The following VEGFC variants were observed in gnomAD, a reference collection of about 807,000 sequenced individuals.
The protein encoded by VEGFC is vascular endothelial growth factor C.
VEGFC carries 12 observed loss-of-function variants against 46.1 expected under a neutral mutation model. The ratio of observed to expected loss-of-function variants is 0.26; its 90% CI spans 0.17 to 0.42. The LOEUF is 0.42. VEGFC is among the 10% of genes least tolerant of loss of function. The pLI, the probability that VEGFC is intolerant of heterozygous loss-of-function variation, is 1.00. For synonymous variants in VEGFC, 232 were observed against 195.5 expected, an observed-to-expected ratio of 1.19 and a Z score of -1.56; for missense variants, 488 against 529.4, an observed-to-expected ratio of 0.92 and a Z score of 0.77.
At chr4:176,779,202 A>G (rs1735866450) in intron 1 of VEGFC, among the ~76,000 whole-genome samples, 1 of 152,198 alleles carries the variant, frequency 6.6e-6, no homozygotes, top group African/African-American at 2.4e-5. Context: ...AAGACAACAG[A>G]GCTGATAGAA....
intron 1 of VEGFC, among the ~76,000 whole-genome samples, chr4:176,734,226 C>T (rs770171471): frequency 6.6e-6 from 1 of 151,632 alleles, no homozygotes; most frequent in Non-Finnish European, 1.5e-5. Flanking sequence ...TGTTTTTATA[C>T]ATAAACATAC....
At chr4:176,708,572 G>A (rs560146406) in intron 4 of VEGFC, among the ~76,000 whole-genome samples, 1 of 152,080 alleles carries the variant, frequency 6.6e-6, no homozygotes, top group Non-Finnish European at 1.5e-5. Flanking sequence ...CATAATTAAG[G>A]ACAATATTTT....
intron 3 of VEGFC, among the ~76,000 whole-genome samples, chr4:176,720,898 C>A (rs1734775518): frequency 1.4e-5 from 2 of 141,232 alleles, no homozygotes; most frequent in South Asian, 2.3e-4. Context: ...AACAATCTGA[C>A]AGATAAGGTA....
chr4:176,722,574 C>T (rs1734807455), intron 3 of VEGFC, among the ~76,000 whole-genome samples: 2 of 150,352 alleles, frequency 1.3e-5, no homozygotes, highest in African/African-American at 4.9e-5. Context: ...TTACTCACTG[C>T]AGCCTCTGCC....
At chr4:176,690,986 T>G (rs951661275) in intron 4 of VEGFC, among the ~76,000 whole-genome samples, 18 of 152,156 alleles carry the variant, frequency 1.2e-4, no homozygotes, top group African/African-American at 4.3e-4. Context: ...GAAATGCATT[T>G]TAAAATGTAA....
chr4:176,757,243 C>T (rs188847662), intron 1 of VEGFC, among the ~76,000 whole-genome samples: 8 of 151,894 alleles, frequency 5.3e-5, no homozygotes, highest in African/African-American at 1.9e-4. Flanking sequence ...ATGTTAGGGG[C>T]CATAAAGGAA....
chr4:176,748,076 T>C (rs1442683515), intron 1 of VEGFC, among the ~76,000 whole-genome samples: 2 of 152,008 alleles, frequency 1.3e-5, no homozygotes, highest in Admixed American at 6.6e-5. Context: ...TATAAAAACT[T>C]TGGGAATTTT....
chr4:176,769,372 T>A (rs1735685874), intron 1 of VEGFC, among the ~76,000 whole-genome samples: 2 of 152,174 alleles, frequency 1.3e-5, no homozygotes, highest in Non-Finnish European at 1.5e-5. Flanking sequence ...ATTGTGCCTC[T>A]CCTGTGTGTC....
rs555753093 is a variant in VEGFC at position 176,769,935 on chromosome 4, G to T, written c.147+22230C>A. ...AAGAAGGTTAATCTGAATTATCTGG[G>T]AATCAAATCTGGGTCCCTGAACTCC... On this transcript the variant is annotated intron_variant, in intron 1 of 6. Transcript: ENST00000618562. Among the ~76,000 whole-genome samples, 84 of 152,158 alleles carry T rather than the reference G, an allele frequency of 5.5e-4. 1 individual carries two copies. The highest frequency in any genetic ancestry group is 3.4e-3 in the Middle Eastern group (1 of 294).
chr4:176,735,823 T>G (rs1446339426), intron 1 of VEGFC, among the ~76,000 whole-genome samples: 1 of 151,908 alleles, frequency 6.6e-6, no homozygotes, highest in Non-Finnish European at 1.5e-5. Flanking sequence ...ATTTTCAAAA[T>G]CATCATTTGA....
At chr4:176,763,618 C>G in intron 1 of VEGFC, among the ~76,000 whole-genome samples, 1 of 152,130 alleles carries the variant, frequency 6.6e-6, no homozygotes, top group South Asian at 2.1e-4. Context: ...TATTCTTTCA[C>G]GTAATCAATA....
At chr4:176,718,059 G>C (rs1560944274) in intron 3 of VEGFC, among the ~76,000 whole-genome samples, 1 of 152,126 alleles carries the variant, frequency 6.6e-6, no homozygotes, top group Non-Finnish European at 1.5e-5. Flanking sequence ...TAGAAATACT[G>C]AATAAAATAC....
intron 4 of VEGFC, among the ~76,000 whole-genome samples, chr4:176,697,344 C>T (rs1436651989): frequency 6.6e-6 from 1 of 151,738 alleles, no homozygotes; most frequent in African/African-American, 2.4e-5. Context: ...AGACACTTCT[C>T]AAAAGAAGAC....
chr4:176,711,930 G>A (rs1040551424), intron 3 of VEGFC, among the ~76,000 whole-genome samples: 38 of 151,998 alleles, frequency 2.5e-4, no homozygotes, highest in Admixed American at 2.0e-3. Context: ...CCTATTAGAC[G>A]TGACAGAACA....
chr4:176,693,817 A>G (rs1734256073), intron 4 of VEGFC, among the ~76,000 whole-genome samples: 1 of 146,250 alleles, frequency 6.8e-6, no homozygotes, highest in Non-Finnish European at 1.5e-5. Flanking sequence ...AGTGGGGGCC[A>G]ATATTCAACA....
intron 1 of VEGFC, among the ~76,000 whole-genome samples, chr4:176,789,448 T>A (rs910391518): frequency 1.2e-4 from 19 of 152,224 alleles, no homozygotes; most frequent in Non-Finnish European, 2.6e-4. Context: ...TGAATTGAAC[T>A]TTCTATATCT....
chr4:176,774,268 CATAATAA>C (rs777599749), intron 1 of VEGFC, among the ~76,000 whole-genome samples: 65 of 151,900 alleles, frequency 4.3e-4, no homozygotes, highest in Non-Finnish European at 6.8e-4. Context: ...AATGAAACTG[CATAATAA>C]ATAAAAATTT....
chr4:176,767,152 A>G (rs909650223), intron 1 of VEGFC, among the ~76,000 whole-genome samples: 2 of 145,790 alleles, frequency 1.4e-5, no homozygotes, highest in African/African-American at 5.0e-5. Flanking sequence ...AAACAACCAA[A>G]AAGAAAAATG....
At position 176,684,043 on chromosome 4, in the gene VEGFC, A is replaced by G; in HGVS notation, c.1146-3T>C. The G allele has an allele frequency of 1.2e-6, 2 of 1,610,762 alleles. No homozygotes were observed. The highest frequency in any genetic ancestry group is 1.7e-5 in the Admixed American group (1 of 60,010). ...TCGTACATGGCCGTCTGTAACAGCT[A>G]GGAGAACAAACAAGAACACACTTAC... On this transcript the variant is annotated splice_polypyrimidine_tract_variant and splice_region_variant and intron_variant, in intron 6 of 6. Coordinates refer to ENST00000618562, the MANE Select transcript of VEGFC (RefSeq NM_005429.5).
Sources: allele counts gnomAD v4.1 joint callset (sites outside exome capture counted in the v4.1 genomes callset), GRCh38; gene constraint gnomAD v4.1.1; transcripts MANE v1.5; gene names NCBI Gene and HGNC (gene_info 2026-07-23, HGNC 2026-07-21).